Variants in TMEM39B observed in about 807,000 individuals in gnomAD.
TMEM39B encodes the protein transmembrane protein 39B.
A neutral mutation model predicts 52.2 loss-of-function variants in TMEM39B; 23 were observed. The ratio of observed to expected loss-of-function variants is 0.44; its 90% CI spans 0.32 to 0.62. TMEM39B has a LOEUF of 0.62. Ranked by LOEUF, TMEM39B falls within the 20% of genes least tolerant of loss-of-function variation. The pLI is 0.06. For missense variants in TMEM39B, 547 were observed against 642.0 expected, an observed-to-expected ratio of 0.85 and a Z score of 1.60; for synonymous variants, 285 against 264.0, an observed-to-expected ratio of 1.08 and a Z score of -0.77.
intron 7 of TMEM39B, among the ~76,000 whole-genome samples, chr1:32,099,212 G>A (rs1238598670): frequency 2.6e-5 from 4 of 151,398 alleles, no homozygotes; most frequent in Non-Finnish European, 4.4e-5. Flanking sequence ...CAGCCTGGGC[G>A]GCAGAGTGAG....
chr1:32,075,894 T>G, intron 3 of TMEM39B, 72 bp downstream of exon 3: 1 of 1,123,882 alleles, frequency 8.9e-7, no homozygotes, highest in Non-Finnish European at 1.3e-6. Context: ...GTGTGTTTCT[T>G]TTGGTTTCAG....
intron 7 of TMEM39B, among the ~76,000 whole-genome samples, chr1:32,096,153 G>T (rs1305177573): frequency 6.6e-6 from 1 of 152,040 alleles, no homozygotes; most frequent in African/African-American, 2.4e-5. Context: ...GTGCCTTCAG[G>T]ATTTTGCATG....
Position 32,102,488 on chromosome 1 carries a change from G to A in TMEM39B, c.1294G>A (p.Val432Ile). 1 of 1,614,162 alleles carries A rather than the reference G, an allele frequency of 6.2e-7. No individual in the cohort carries two copies. Among genetic ancestry groups the A allele is most frequent in the Non-Finnish European group, 8.5e-7 (1 of 1,180,020 alleles). The change falls in exon 9 of 9, where the codon GTC becomes ATC. Residue 432 changes from valine (V) to isoleucine (I), a missense_variant. By Grantham distance (29) the Val-to-Ile change is conservative (BLOSUM62 3). Transcript: ENST00000336294. ...CATCCTCCTGCTGCTGGAGGGCGCT[G>A]TCATTGTCTATCAGCTGTACTCCCT... is the stretch of plus-strand genomic sequence containing the variant. ...LNILLLLEGA[V>I]IVYQLYSLMS...
rs567834363 is a variant in TMEM39B at position 32,094,995 on chromosome 1, C to T, written c.1115+24C>T. On this transcript the variant is annotated intron_variant, in intron 7 of 8. Coordinates refer to ENST00000336294, the MANE Select transcript of TMEM39B (RefSeq NM_018056.4). ...CCGTGAGTCACCCTACCCTGCTCAA[C>T]CCAATCCCAGCCCTTCTGGTCAGCA... is the stretch of plus-strand genomic sequence containing the variant. 78 of 1,608,644 alleles carry T rather than the reference C, an allele frequency of 4.8e-5. No homozygotes were observed. In the South Asian group the frequency reaches 7.8e-4, roughly 16 times the overall value.
intron 7 of TMEM39B, among the ~76,000 whole-genome samples, chr1:32,097,255 C>T (rs1339214670): frequency 6.6e-6 from 1 of 152,024 alleles, no homozygotes; most frequent in Admixed American, 6.6e-5. Context: ...AGACAAACTA[C>T]CTTTCTGTTT....
chr1:32,094,018 C>T (rs1640713446), intron 6 of TMEM39B, among the ~76,000 whole-genome samples: 1 of 147,432 alleles, frequency 6.8e-6, no homozygotes, highest in Non-Finnish European at 1.5e-5. Flanking sequence ...TGGGGTTTCA[C>T]CGTGTTAGCC....
At chr1:32,073,321 G>T (rs1639718389) in intron 1 of TMEM39B, 1 of 484,692 alleles carries the variant, frequency 2.1e-6, no homozygotes, top group Non-Finnish European at 3.4e-6. Flanking sequence ...GGGCTAGAAA[G>T]GGGGGCGGGA....
At chr1:32,102,330 C>T in intron 8 of TMEM39B, 101 bp from the exon 9 acceptor site, 2 of 1,508,418 alleles carry the variant, frequency 1.3e-6, no homozygotes, top group Non-Finnish European at 1.8e-6. Context: ...CTGCATGGGG[C>T]CCCAGGAGGC....
intron 3 of TMEM39B, 49 bp downstream of exon 3, chr1:32,075,871 T>C (rs1639836565): frequency 1.7e-6 from 2 of 1,186,656 alleles, no homozygotes; most frequent in Non-Finnish European, 1.2e-6. Flanking sequence ...TGTGCGTGTG[T>C]GTGTATGTGT....
chr1:32,090,459 A>AT (rs950057538), intron 5 of TMEM39B, among the ~76,000 whole-genome samples: 16 of 147,144 alleles, frequency 1.1e-4, no homozygotes, highest in South Asian at 2.2e-4. Context: ...TTGTGCGTGT[A>AT]TTTTTTTTTT....
In TMEM39B at chr1:32,091,938, G is replaced by C. The variant is rs1180695332; in HGVS notation, c.854G>C (p.Arg285Pro). The C allele has an allele frequency of 6.2e-7, 1 of 1,614,064 alleles. No individual in the cohort carries two copies. The highest frequency in any genetic ancestry group is 8.5e-7 in the Non-Finnish European group (1 of 1,180,040). ...VEFLKMDFNW[R>P]MKEVLVSSML... is the part of the protein sequence containing the mutation. ...TTCCTCAAGATGGACTTCAACTGGCGCATGAAGGAAGTGCTCGTCAGCTCC... is the reference window on the plus strand; with the variant it reads ...TTCCTCAAGATGGACTTCAACTGGCCCATGAAGGAAGTGCTCGTCAGCTCC... The change falls in exon 6 of 9, where the codon CGC becomes CCC. Residue 285 changes from arginine (R) to proline (P), a missense_variant. Physicochemically the swap from Arg to Pro is moderately radical, Grantham distance 103 (BLOSUM62 -2). Transcript: ENST00000336294.
intron 5 of TMEM39B, among the ~76,000 whole-genome samples, chr1:32,089,131 A>ATTT (rs746806785): frequency 2.3e-5 from 3 of 130,206 alleles, no homozygotes; most frequent in Admixed American, 7.9e-5. Context: ...AGAGCTGGGA[A>ATTT]TTTTTTTTTT....
rs1639816627 is a variant in TMEM39B at position 32,075,508 on chromosome 1, C to G, written c.132-95C>G. ...AAGACCCCGTCCTTGCTATGAGCTG[C>G]TTTTCTGATCTTATCCCACAATCCT... On this transcript the variant is annotated intron_variant, in intron 2 of 8. Transcript: ENST00000336294. The G allele has an allele frequency of 2.3e-6, 3 of 1,325,566 alleles. No individual in the cohort carries two copies. In the Admixed American group the frequency reaches 7.0e-5, roughly 31 times the overall value. The allele number at this position is 1,325,566 out of a possible 1,614,324, so 82.1% of individuals were successfully genotyped here.
chr1:32,096,452 T>TA (rs59362821), intron 7 of TMEM39B, among the ~76,000 whole-genome samples: 8,114 of 108,170 alleles, frequency 0.075, 502 homozygotes, highest in South Asian at 0.27. Flanking sequence ...TCCTCTGGCC[T>TA]TTTTTTTTTT....
intron 5 of TMEM39B, among the ~76,000 whole-genome samples, chr1:32,089,727 A>G (rs944184858): frequency 6.7e-6 from 1 of 148,694 alleles, no homozygotes; most frequent in African/African-American, 2.5e-5. Context: ...GCTCATTGCA[A>G]CCTCTGCCTC....
Position 32,092,010 on chromosome 1 carries a change from A to G in TMEM39B, c.926A>G (p.Lys309Arg), listed in dbSNP as rs759484797. The G allele has an allele frequency of 3.1e-6, 5 of 1,612,546 alleles. No individual in the cohort carries two copies. In the African/African-American group the frequency reaches 6.7e-5, roughly 22 times the overall value. The change falls in exon 6 of 9, where the codon AAG (lysine) becomes AGG (arginine). Residue 309 changes from lysine (K) to arginine (R), a missense_variant and splice_region_variant. Physicochemically the swap from Lys to Arg is conservative, Grantham distance 26 (BLOSUM62 2). Transcript: ENST00000336294. ...GCCTTTGTGCCTGTCTGGTTCGTGA[A>G]GGTGCGTACCTCAAGCCAGGGAGGG... ...YVAFVPVWFV[K>R]NTHYYDKRWS...
intron 7 of TMEM39B, among the ~76,000 whole-genome samples, chr1:32,098,478 A>G (rs1224368134): frequency 6.6e-6 from 1 of 151,910 alleles, no homozygotes; most frequent in African/African-American, 2.4e-5. Context: ...CACGCCTGTA[A>G]TCCCAGCACT....
At chr1:32,100,727 C>A in intron 8 of TMEM39B, 165 bp downstream of exon 8, 1 of 969,250 alleles carries the variant, frequency 1.0e-6, no homozygotes, top group Non-Finnish European at 1.5e-6. Flanking sequence ...TAAATTGTCA[C>A]TTAATAACTG....
intron 5 of TMEM39B, among the ~76,000 whole-genome samples, chr1:32,082,797 C>T (rs537943059): frequency 1.0e-4 from 15 of 145,854 alleles, no homozygotes; most frequent in African/African-American, 3.3e-4. Context: ...TTTTTTGAGA[C>T]GGAGTCTCGC....
Sources: gnomAD v4.1 joint callset for allele counts (sites outside exome capture counted in the v4.1 genomes callset) on GRCh38, gnomAD v4.1.1 for gene constraint, MANE v1.5 for transcripts, NCBI Gene and HGNC (gene_info 2026-07-23, HGNC 2026-07-21) for gene names.